The following FBLN2 variants were observed in gnomAD, a reference collection of about 807,000 sequenced individuals.
FBLN2 encodes the protein fibulin 2.
In FBLN2, 81 loss-of-function variants were observed where a neutral mutation model predicts 123.7. The observed-to-expected ratio is 0.65, with a 90% CI of 0.55 to 0.79. The LOEUF is 0.79. Among genes scored for constraint, FBLN2 ranks in the 30% least tolerant of loss-of-function variants. The probability of loss-of-function intolerance (pLI) is 0.00; values close to 1 mark genes in which losing one functional copy is unlikely to be tolerated. For synonymous variants in FBLN2, 699 were observed against 701.4 expected (o/e 1.00, Z 0.05); for missense variants, 1,603 against 1,681.3 (o/e 0.95, Z 0.81).
rs145084360 is a variant in FBLN2, at chr3:13,576,983, C to T, written c.1306+5322C>T. Among the ~76,000 whole-genome samples, 616 of 152,180 alleles carry T rather than the reference C, an allele frequency of 4.0e-3. 2 individuals are homozygous for T. The highest frequency in any genetic ancestry group is 6.0e-3 in the Non-Finnish European group (411 of 67,998). ...CTGTAATCCCAGCACTTTGGGAGGC[C>T]GAGGTGGGTGGATGGATCACCTGAG... On this transcript the variant is annotated intron_variant, in intron 2 of 17. Coordinates refer to ENST00000404922, the MANE Select transcript of FBLN2 (RefSeq NM_001004019.2).
In FBLN2 at chr3:13,597,311, G is replaced by T. The variant is rs9850544; in HGVS notation, c.1307-10751G>T. Among the ~76,000 whole-genome samples, 1,101 of 152,248 alleles carry T rather than the reference G, an allele frequency of 7.2e-3. 12 individuals carry two copies. The highest frequency in any genetic ancestry group is 0.025 in the African/African-American group (1,021 of 41,534). The stretch of plus-strand genomic sequence containing the variant: ...TACTACCTTTTTCAGTACTGTCTTT[G>T]TTTGGGAGGAGAGCAGTTCAGGAAG... On this transcript the variant is annotated intron_variant, in intron 2 of 17. Coordinates refer to ENST00000404922, the MANE Select transcript of FBLN2 (RefSeq NM_001004019.2).
Position 13,629,008 on chromosome 3 carries a change from G to C in FBLN2, c.2673G>C (p.Ala891=). 1 of 1,613,300 alleles carries C rather than the reference G, an allele frequency of 6.2e-7. No individual in the cohort carries two copies. The highest frequency in any genetic ancestry group is 1.1e-5 in the South Asian group (1 of 91,062). Reference sequence around the variant, plus strand: ...GCCAGAGGAACCCGCTGATCTGCGCGCGCGGCTACCACGCCAGCGATGATG... The same window carrying C: ...GCCAGAGGAACCCGCTGATCTGCGCCCGCGGCTACCACGCCAGCGATGATG... ...YTCQRNPLIC[A]RGYHASDDGT... The change falls in exon 12 of 18, where the codon GCG becomes GCC. Residue 891 remains alanine, a synonymous_variant. Transcript: ENST00000404922.
intron 1 of FBLN2, among the ~76,000 whole-genome samples, chr3:13,562,214 A>T (rs1430811881): frequency 6.6e-6 from 1 of 152,162 alleles, no homozygotes; most frequent in Non-Finnish European, 1.5e-5. Flanking sequence ...TCTCAGGAGC[A>T]GCCCTTATTT....
At position 13,637,601 on chromosome 3, in the gene FBLN2, C is replaced by T. The variant is rs1365261367; in HGVS notation, c.3378C>T (p.Cys1126=). The part of the protein sequence containing the change: ...ERTTCHDFLE[C]QNSPARITHY... Reference sequence around the variant, plus strand: ...CCACGTGCCATGACTTCCTGGAGTGCCAGAACTCGCCAGCGCGCATCACGC... The same window carrying T: ...CCACGTGCCATGACTTCCTGGAGTGTCAGAACTCGCCAGCGCGCATCACGC... Residue 1126 remains cysteine (C), a synonymous_variant, in exon 18 of 18, where the codon TGC becomes TGT. Transcript: ENST00000404922. 6.2e-7 allele frequency: 1 copy of T among 1,612,672 alleles called. No homozygotes were observed. The highest frequency in any genetic ancestry group is 1.3e-5 in the African/African-American group (1 of 74,936).
intron 14 of FBLN2, 25 bp downstream of exon 14, chr3:13,629,970 C>G (rs1225831065): frequency 1.2e-6 from 2 of 1,608,192 alleles, no homozygotes; most frequent in Non-Finnish European, 1.7e-6. Flanking sequence ...ATCTCTGACC[C>G]TATGCCGCCT....
At chr3:13,632,542 C>G (rs969046287) in intron 16 of FBLN2, among the ~76,000 whole-genome samples, 3 of 152,216 alleles carry the variant, frequency 2.0e-5, no homozygotes, top group Non-Finnish European at 4.4e-5. Flanking sequence ...TAGACTTCAG[C>G]CAGCTGCCTG....
chr3:13,580,148 T>C (rs571172299), intron 2 of FBLN2, among the ~76,000 whole-genome samples: 1 of 152,312 alleles, frequency 6.6e-6, no homozygotes, highest in South Asian at 2.1e-4. Context: ...TGGGGTTGTT[T>C]CCAGTGGAGG....
chr3:13,621,170 G>A (rs1705837538), intron 8 of FBLN2, among the ~76,000 whole-genome samples: 1 of 152,280 alleles, frequency 6.6e-6, no homozygotes, highest in Admixed American at 6.5e-5. Flanking sequence ...GGTCCAGGTT[G>A]CAATGGGCAT....
At chr3:13,567,444 G>A (rs4494908) in intron 1 of FBLN2, among the ~76,000 whole-genome samples, 119,444 of 152,110 alleles carry the variant, frequency 0.79, 47,862 homozygotes, top group East Asian at 1. Context: ...TCCAACCTCC[G>A]CCTCCGGGGT....
At chr3:13,633,954 A>C (rs867623801) in intron 16 of FBLN2, among the ~76,000 whole-genome samples, 5 of 112,894 alleles carry the variant, frequency 4.4e-5, no homozygotes, top group Admixed American at 2.0e-4. Flanking sequence ...ACACACTGCA[A>C]ACACACACAC....
At chr3:13,569,236 G>A (rs540550573) in intron 1 of FBLN2, among the ~76,000 whole-genome samples, 2 of 152,282 alleles carry the variant, frequency 1.3e-5, no homozygotes, top group South Asian at 4.1e-4. Flanking sequence ...CAGGCCTAAG[G>A]GCCTGTGGGA....
intron 2 of FBLN2, among the ~76,000 whole-genome samples, chr3:13,575,745 A>G (rs1488498900): frequency 6.6e-6 from 1 of 151,998 alleles, no homozygotes; most frequent in Admixed American, 6.5e-5. Context: ...GCTGCACTGC[A>G]TGCACCACGC....
At chr3:13,614,698 T>TCACC (rs1359156564) in intron 5 of FBLN2, among the ~76,000 whole-genome samples, 1 of 128,938 alleles carries the variant, frequency 7.8e-6, no homozygotes, top group Non-Finnish European at 1.6e-5. Flanking sequence ...ACCCATTCAC[T>TCACC]CACCCACCCA....
At chr3:13,618,392 C>A in intron 6 of FBLN2, 107 bp downstream of exon 6, 1 of 1,038,818 alleles carries the variant, frequency 9.6e-7, no homozygotes, top group South Asian at 1.5e-5. Context: ...TCCTGTTACC[C>A]CACAAGTTGG....
intron 1 of FBLN2, among the ~76,000 whole-genome samples, chr3:13,570,012 G>A (rs1408761710): frequency 6.6e-6 from 1 of 152,084 alleles, no homozygotes; most frequent in Non-Finnish European, 1.5e-5. Flanking sequence ...TCACTCAGAG[G>A]ACCTGCCTCA....
At chr3:13,577,114 T>A (rs1704171367) in intron 2 of FBLN2, among the ~76,000 whole-genome samples, 1 of 150,964 alleles carries the variant, frequency 6.6e-6, no homozygotes, top group East Asian at 2.0e-4. Context: ...TCCCAGCTAC[T>A]CAGGAGGCTG....
At chr3:13,551,177 C>T (rs1203049435) in intron 1 of FBLN2, among the ~76,000 whole-genome samples, 1 of 151,584 alleles carries the variant, frequency 6.6e-6, no homozygotes, top group African/African-American at 2.4e-5. Flanking sequence ...CCATTGCCCG[C>T]CTCAAGCATA....
chr3:13,570,663 G>T lies in FBLN2; in HGVS notation c.308G>T (p.Gly103Val). 1 of 1,583,582 alleles carries T rather than the reference G, an allele frequency of 6.3e-7. No homozygotes were observed. Among genetic ancestry groups the T allele is most frequent in the Non-Finnish European group, 8.6e-7 (1 of 1,166,076 alleles). The change falls in exon 2 of 18, where the codon GGC becomes GTC. Residue 103 changes from glycine (G) to valine (V), a missense_variant. Gly to Val is a moderately radical substitution (Grantham distance 109). Transcript: ENST00000404922. ...FGSTECSCPP[G>V]GGKISCQFML... is the part of the protein sequence containing the mutation. ...AGCACTGAGTGCTCCTGCCCACCAG[G>T]CGGCGGCAAGATCAGCTGCCAGTTC...
Position 13,571,879 on chromosome 3 carries a change from G to A in FBLN2, c.1306+218G>A, listed in dbSNP as rs1280727355. On this transcript the variant is annotated intron_variant, in intron 2 of 17. Transcript: ENST00000404922. ...GATGGGATGGGTGGGTGGGAGTGGG[G>A]TTCCTGTTGTGGGAGGTGCTGGGCC... is the stretch of plus-strand genomic sequence containing the variant. 2.0e-5 allele frequency among the ~76,000 whole-genome samples: 3 copies of A among 152,148 alleles called. No homozygotes were observed. In the East Asian group the frequency reaches 5.8e-4, roughly 29 times the overall value.
Sources: gnomAD v4.1 joint callset for allele counts (sites outside exome capture counted in the v4.1 genomes callset) on GRCh38, gnomAD v4.1.1 for gene constraint, MANE v1.5 for transcripts, NCBI Gene and HGNC (gene_info 2026-07-23, HGNC 2026-07-21) for gene names.